Variants in CD247 observed in about 807,000 individuals in gnomAD.
CD247 encodes the protein CD247 molecule.
CD247 carries 13 observed loss-of-function variants against 30.0 expected under a neutral mutation model. That is an observed-to-expected ratio of 0.43 (90% confidence interval 0.28 to 0.69). The LOEUF (loss-of-function observed/expected upper bound fraction) is 0.69. CD247 is among the 30% of genes least tolerant of loss of function. The pLI is 0.16. For missense variants in CD247, 193 were observed against 212.6 expected, an observed-to-expected ratio of 0.91 and a Z score of 0.57; for synonymous variants, 72 against 80.0, an observed-to-expected ratio of 0.90 and a Z score of 0.53.
intron 1 of CD247, among the ~76,000 whole-genome samples, chr1:167,485,747 A>T (rs143935969): frequency 1.5e-3 from 221 of 152,248 alleles, no homozygotes; most frequent in African/African-American, 5.1e-3. Flanking sequence ...TCCTGTCACC[A>T]GCCCCAAATC....
intron 1 of CD247, among the ~76,000 whole-genome samples, chr1:167,448,182 C>A (rs1475695700): frequency 6.6e-6 from 1 of 152,222 alleles, no homozygotes; most frequent in African/African-American, 2.4e-5. Flanking sequence ...AGGAACCACA[C>A]GTGTGAGTTT....
At chr1:167,455,001 C>T (rs957033020) in intron 1 of CD247, among the ~76,000 whole-genome samples, 1 of 152,236 alleles carries the variant, frequency 6.6e-6, no homozygotes, top group South Asian at 2.1e-4. Context: ...GCCCAAGCTC[C>T]TCCCGGAGCT....
At chr1:167,435,685 T>C (rs1651513241) in intron 4 of CD247, among the ~76,000 whole-genome samples, 1 of 152,234 alleles carries the variant, frequency 6.6e-6, no homozygotes, top group African/African-American at 2.4e-5. Context: ...AAGCCCAGCA[T>C]TGCCCAGGGC....
At chr1:167,497,701 A>G (rs1247605992) in intron 1 of CD247, among the ~76,000 whole-genome samples, 1 of 152,212 alleles carries the variant, frequency 6.6e-6, no homozygotes, top group Non-Finnish European at 1.5e-5. Flanking sequence ...TTACAGAGCT[A>G]GAACCGCAAA....
intron 1 of CD247, among the ~76,000 whole-genome samples, chr1:167,491,711 C>T (rs539001730): frequency 7.2e-5 from 11 of 152,266 alleles, no homozygotes; most frequent in South Asian, 6.2e-4. Flanking sequence ...AAAAGGTGGA[C>T]GCAACCAAGC....
At position 167,431,639 on chromosome 1, in the gene CD247, C is replaced by G. The variant is rs931487098; in HGVS notation, c.*42G>C. On this transcript the variant is annotated 3_prime_UTR_variant, in exon 8 of 8. Transcript: ENST00000362089. The stretch of plus-strand genomic sequence containing the variant: ...TTCATCCTGTGTCTCATAATCTGGG[C>G]GTCTGCAGGTCTGGCCTTTGAGTGG... The G allele has an allele frequency of 1.3e-6, 2 of 1,502,930 alleles. No homozygotes were observed. 93.1% of individuals were successfully genotyped at this position (1,502,930 alleles called of 1,614,324 possible).
intron 1 of CD247, among the ~76,000 whole-genome samples, chr1:167,505,146 T>C (rs1202274547): frequency 3.3e-5 from 5 of 152,188 alleles, no homozygotes; most frequent in Non-Finnish European, 2.9e-5. Context: ...TTTTCTTTTT[T>C]TAGAGACAGG....
intron 1 of CD247, among the ~76,000 whole-genome samples, chr1:167,459,348 C>CTTTTTTTTTTTT (rs34706916): frequency 2.5e-5 from 2 of 80,422 alleles, no homozygotes; most frequent in Non-Finnish European, 4.6e-5. Context: ...CCTTACAACT[C>CTTTTTTTTTTTT]TTTTTTTTTT....
At chr1:167,467,775 A>C (rs1166013504) in intron 1 of CD247, among the ~76,000 whole-genome samples, 3 of 152,176 alleles carry the variant, frequency 2.0e-5, no homozygotes, top group East Asian at 1.9e-4. Flanking sequence ...CTCGTATCCC[A>C]GTGACCTAGG....
At chr1:167,489,082 G>C (rs1654331881) in intron 1 of CD247, among the ~76,000 whole-genome samples, 1 of 146,016 alleles carries the variant, frequency 6.8e-6, no homozygotes, top group Non-Finnish European at 1.5e-5. Flanking sequence ...TTTAACACCG[G>C]ACAGCAGACA....
At chr1:167,464,316 C>G (rs1331719900) in intron 1 of CD247, among the ~76,000 whole-genome samples, 1 of 152,152 alleles carries the variant, frequency 6.6e-6, no homozygotes. Context: ...GTTTCCAACT[C>G]AGGCTGATTG....
intron 1 of CD247, among the ~76,000 whole-genome samples, chr1:167,454,203 G>GA (rs753088048): frequency 3.3e-5 from 5 of 152,056 alleles, no homozygotes; most frequent in East Asian, 1.9e-4. Flanking sequence ...TATTTTACAA[G>GA]AAAAAACACG....
chr1:167,517,414 C>T (rs910589703), intron 1 of CD247, among the ~76,000 whole-genome samples: 9 of 152,268 alleles, frequency 5.9e-5, no homozygotes, highest in African/African-American at 1.2e-4. Flanking sequence ...TGAAATTCAG[C>T]CTGCCCCACT....
At chr1:167,465,356 C>A (rs1558010542) in intron 1 of CD247, among the ~76,000 whole-genome samples, 1 of 125,034 alleles carries the variant, frequency 8.0e-6, no homozygotes, top group African/African-American at 3.0e-5. Context: ...GAGATGGAGT[C>A]CCGTTCAGTT....
At chr1:167,447,146 A>G (rs567611013) in intron 1 of CD247, among the ~76,000 whole-genome samples, 4 of 152,356 alleles carry the variant, frequency 2.6e-5, no homozygotes, top group African/African-American at 7.2e-5. Flanking sequence ...AGCTCTTTGC[A>G]CTTGCATGAT....
Position 167,431,709 on chromosome 1 carries a change from AG to A in CD247, c.466del (p.Leu156PhefsTer44). On this transcript the variant is annotated frameshift_variant, in exon 8 of 8. Transcript: ENST00000362089. LOFTEE classifies it high-confidence loss of function. The part of the protein sequence containing the change: ...STATKDTYDA[L>X]HMQALPPR Reference sequence around the variant, plus strand: ...GCGAGGGGGCAGGGCCTGCATGTGAAGGGCGTCGTAGGTGTCCTTGGTGGCT... The same window carrying A: ...GCGAGGGGGCAGGGCCTGCATGTGAAGGCGTCGTAGGTGTCCTTGGTGGCT... The A allele has an allele frequency of 1.9e-6, 3 of 1,614,174 alleles. No individual in the cohort carries two copies. The highest frequency in any genetic ancestry group is 2.5e-6 in the Non-Finnish European group (3 of 1,180,016).
Position 167,435,449 on chromosome 1 carries a change from G to C in CD247, c.301-15C>G. 1 of 1,608,820 alleles carries C rather than the reference G, an allele frequency of 6.2e-7. No homozygotes were observed. The highest frequency in any genetic ancestry group is 1.1e-5 in the South Asian group (1 of 90,950). ...TTCCTTCTCTGCTAGGAAAGACAAC[G>C]GGAAGACGTTAGAGGGAGAGAAACA... On this transcript the variant is annotated splice_polypyrimidine_tract_variant and intron_variant, in intron 4 of 7. Coordinates refer to ENST00000362089, the MANE Select transcript of CD247 (RefSeq NM_198053.3).
chr1:167,475,313 A>G (rs1031090174), intron 1 of CD247, among the ~76,000 whole-genome samples: 1 of 152,252 alleles, frequency 6.6e-6, no homozygotes. Context: ...ATCCCTACCC[A>G]GTCCCCTCTC....
intron 1 of CD247, among the ~76,000 whole-genome samples, chr1:167,454,079 T>C (rs1652507523): frequency 6.6e-6 from 1 of 152,216 alleles, no homozygotes; most frequent in African/African-American, 2.4e-5. Context: ...AGTTTCTGTT[T>C]GGGATGGTGA....
Sources: allele counts gnomAD v4.1 joint callset (sites outside exome capture counted in the v4.1 genomes callset), GRCh38; gene constraint gnomAD v4.1.1; transcripts MANE v1.5; gene names NCBI Gene and HGNC (gene_info 2026-07-23, HGNC 2026-07-21).